SLC25A38: variants seen among roughly 807,000 people sequenced by gnomAD.
SLC25A38 encodes the protein solute carrier family 25 member 38.
In SLC25A38, 27 loss-of-function variants were observed where a neutral mutation model predicts 33.4. The observed-to-expected ratio is 0.81, with a 90% CI of 0.60 to 1.11. The LOEUF (loss-of-function observed/expected upper bound fraction) is 1.11, where lower values mean the gene tolerates loss of function less well. Ranked by LOEUF, SLC25A38 falls within the 50% of genes most tolerant of loss-of-function variation. The pLI is 0.00. For missense variants in SLC25A38, 344 were observed against 388.8 expected (o/e 0.88, Z 0.97); for synonymous variants, 123 against 145.9 (o/e 0.84, Z 1.13).
rs547810334 is a variant in SLC25A38, at chr3:39,391,896, G to A, written c.500G>A (p.Ser167Asn). 6.2e-6 allele frequency: 10 copies of A among 1,614,054 alleles called. No homozygotes were observed. In the African/African-American group the frequency reaches 1.3e-4, roughly 22 times the overall value. ...GYESIYAALR[S>N]IYHSEGHRGL... ...GAGAGTATCTACGCTGCCCTGAGGA[G>A]CATCTATCACAGTGAGGGGCACCGG... is the stretch of plus-strand genomic sequence containing the variant. The change falls in exon 5 of 7, where the codon AGC (serine) becomes AAC (asparagine). Residue 167 changes from serine to asparagine, a missense_variant. Coordinates refer to ENST00000650617, the MANE Select transcript of SLC25A38 (RefSeq NM_017875.4).
chr3:39,388,897 G>C (rs2041731917), intron 1 of SLC25A38, among the ~76,000 whole-genome samples: 2 of 152,194 alleles, frequency 1.3e-5, no homozygotes, highest in Admixed American at 1.3e-4. Flanking sequence ...TGGGTTGAAG[G>C]AGAAGCAGCA....
At chr3:39,394,294 C>A in intron 5 of SLC25A38, 116 bp from the exon 6 acceptor site, 1 of 1,299,642 alleles carries the variant, frequency 7.7e-7, no homozygotes, top group Non-Finnish European at 1.1e-6. Context: ...GAATTCGTAG[C>A]CTCATTTGAA....
At chr3:39,384,803 CTTTTTTT>C (rs67136154) in intron 1 of SLC25A38, 29 of 351,592 alleles carry the variant, frequency 8.2e-5, no homozygotes, top group Non-Finnish European at 1.2e-4. Flanking sequence ...TTTCTTTTTT[CTTTTTTT>C]TTTTTTTTGA....
chr3:39,393,170 C>T (rs1411985019), intron 5 of SLC25A38, among the ~76,000 whole-genome samples: 2 of 152,106 alleles, frequency 1.3e-5, no homozygotes, highest in Admixed American at 1.3e-4. Context: ...CCTGTAATCC[C>T]AGCTGCTTGG....
chr3:39,387,172 G>T (rs1378193496), intron 1 of SLC25A38, among the ~76,000 whole-genome samples: 1 of 152,192 alleles, frequency 6.6e-6, no homozygotes. Context: ...ACTTTAGACT[G>T]GGTGGTATGG....
At chr3:39,385,579 G>C (rs2041700437) in intron 1 of SLC25A38, among the ~76,000 whole-genome samples, 1 of 151,982 alleles carries the variant, frequency 6.6e-6, no homozygotes, top group South Asian at 2.1e-4. Context: ...ACCCATCCTG[G>C]GATGAGTCAT....
Position 39,389,742 on chromosome 3 carries a change from T to G in SLC25A38, c.191+126T>G, listed in dbSNP as rs1285702603. ...AGAGAAACACAGGCCATGCCCAACT[T>G]TCATATGTTCTCTGAATTGTTTTTA... On this transcript the variant is annotated intron_variant, in intron 2 of 6. Coordinates refer to ENST00000650617, the MANE Select transcript of SLC25A38 (RefSeq NM_017875.4). This position sits in a 1 kb window ranked among gnomAD's most constrained non-coding sequence, Gnocchi z 4.5. The G allele has an allele frequency of 1.6e-5, 23 of 1,461,000 alleles. No homozygotes were observed. The highest frequency in any genetic ancestry group is 2.2e-5 in the Non-Finnish European group (23 of 1,049,970). 90.5% of individuals were successfully genotyped at this position (1,461,000 alleles called of 1,614,324 possible).
chr3:39,383,759 C>G lies in SLC25A38; in HGVS notation c.35C>G (p.Pro12Arg). ...IQNSRPSLLQ[P>R]QDVGDTVETL... is the part of the protein sequence containing the mutation. Reference sequence around the variant, plus strand: ...AACTCACGTCCGTCGCTGCTGCAACCCCAAGATGTCGGAGACACGGTGGAA... The same window carrying G: ...AACTCACGTCCGTCGCTGCTGCAACGCCAAGATGTCGGAGACACGGTGGAA... The change falls in exon 1 of 7, where the codon CCC (proline) becomes CGC (arginine). Residue 12 changes from proline to arginine, a missense_variant. Around this residue, in one of 2 missense-constraint regions of SLC25A38, gnomAD observed 269 missense variants for 271.8 expected, o/e 0.99. Coordinates refer to ENST00000650617, the MANE Select transcript of SLC25A38 (RefSeq NM_017875.4). The G allele has an allele frequency of 6.2e-7, 1 of 1,614,176 alleles. No homozygotes were observed. Among genetic ancestry groups the G allele is most frequent in the Non-Finnish European group, 8.5e-7 (1 of 1,180,004 alleles).
chr3:39,383,423 C>T lies in SLC25A38; in HGVS notation c.-302C>T. ...GGGATACACAGAACCTCATCTCCTA[C>T]GGTGCTGAAGCCTGCAGCAGGGCAG... is the stretch of plus-strand genomic sequence containing the variant. On this transcript the variant is annotated 5_prime_UTR_variant, in exon 1 of 7. In the 5' UTR this introduces an upstream ATG that the reference lacks. Coordinates refer to ENST00000650617, the MANE Select transcript of SLC25A38 (RefSeq NM_017875.4). 1 of 430,164 alleles carries T rather than the reference C, an allele frequency of 2.3e-6. No homozygotes were observed. The highest frequency in any genetic ancestry group is 2.4e-5 in the South Asian group (1 of 41,696). 26.6% of individuals were successfully genotyped at this position (430,164 alleles called of 1,614,324 possible).
chr3:39,394,922 CTAAT>C (rs2041811058), intron 6 of SLC25A38, among the ~76,000 whole-genome samples: 1 of 151,600 alleles, frequency 6.6e-6, no homozygotes, highest in Non-Finnish European at 1.5e-5. Flanking sequence ...AATTAGTACT[CTAAT>C]TGAGGACCTA....
At chr3:39,394,886 C>T (rs1403423856) in intron 6 of SLC25A38, among the ~76,000 whole-genome samples, 1 of 151,916 alleles carries the variant, frequency 6.6e-6, no homozygotes, top group Non-Finnish European at 1.5e-5. Flanking sequence ...CTACCCCAGA[C>T]TTACTGAATC....
Position 39,390,370 on chromosome 3 carries a change from G to A in SLC25A38, c.192-53G>A, listed in dbSNP as rs1012518758. 2.5e-6 allele frequency: 4 copies of A among 1,576,436 alleles called. No homozygotes were observed. The African/African-American group carries it at 4.0e-5, about 16-fold the overall frequency. ...GTTTGAGTGGGGAATTGTTTTATGAGGAAGTGATCTAAGTGATTTTTTCCT... is the reference window on the plus strand; with the variant it reads ...GTTTGAGTGGGGAATTGTTTTATGAAGAAGTGATCTAAGTGATTTTTTCCT... On this transcript the variant is annotated intron_variant, in intron 2 of 6. Transcript: ENST00000650617.
At chr3:39,394,724 G>T (rs955189994) in intron 6 of SLC25A38, 148 bp downstream of exon 6, 4 of 911,882 alleles carry the variant, frequency 4.4e-6, no homozygotes, top group East Asian at 5.3e-5. Context: ...AACTATATCA[G>T]AATGTCTAGT....
chr3:39,383,925 G>C, intron 1 of SLC25A38, 132 bp downstream of exon 1: 1 of 1,019,152 alleles, frequency 9.8e-7, no homozygotes, highest in Middle Eastern at 2.3e-4. Context: ...GATGCGGCGG[G>C]AGAGGAGTCT....
chr3:39,394,353 A>C (rs1330558133), intron 5 of SLC25A38, 57 bp from the exon 6 acceptor site: 53 of 1,607,554 alleles, frequency 3.3e-5, no homozygotes, highest in Non-Finnish European at 3.9e-5. Flanking sequence ...ACTTGCACTG[A>C]CCTTTATCTG....
At position 39,396,409 on chromosome 3, in the gene SLC25A38, A is replaced by G. The variant is rs1389400180; in HGVS notation, c.804A>G (p.Leu268=). 4.3e-6 allele frequency: 7 copies of G among 1,614,088 alleles called. No homozygotes were observed. Among genetic ancestry groups the G allele is most frequent in the Admixed American group, 1.7e-5 (1 of 60,006 alleles). The change falls in exon 7 of 7, where the codon CTA becomes CTG. Residue 268 remains leucine (L), a synonymous_variant. Transcript: ENST00000650617. ...AVTLIFKDYG[L]RGFFQGGIPR... is the part of the protein sequence containing the mutation. ...TATTTTCACCATAGGACTATGGACTACGTGGCTTCTTCCAAGGTGGCATCC... is the reference window on the plus strand; with the variant it reads ...TATTTTCACCATAGGACTATGGACTGCGTGGCTTCTTCCAAGGTGGCATCC...
At position 39,389,551 on chromosome 3, in the gene SLC25A38, C is replaced by G; in HGVS notation, c.126C>G (p.Thr42=). 1 of 1,614,134 alleles carries G rather than the reference C, an allele frequency of 6.2e-7. No homozygotes were observed. The highest frequency in any genetic ancestry group is 1.3e-5 in the African/African-American group (1 of 75,024). The change falls in exon 2 of 7, where the codon ACC becomes ACG. Residue 42 remains threonine (T), a synonymous_variant. Coordinates refer to ENST00000650617, the MANE Select transcript of SLC25A38 (RefSeq NM_017875.4). This position sits in a 1 kb window ranked among gnomAD's most constrained non-coding sequence, Gnocchi z 4.5. The part of the protein sequence containing the change: ...LCGSISGTCS[T]LLFQPLDLLK... The stretch of plus-strand genomic sequence containing the variant: ...GCTCCATCAGTGGGACCTGCTCTAC[C>G]CTCCTTTTCCAACCTCTGGATCTCC...
chr3:39,388,145 T>G (rs760942092), intron 1 of SLC25A38, among the ~76,000 whole-genome samples: 6 of 152,076 alleles, frequency 3.9e-5, no homozygotes, highest in South Asian at 4.1e-4. Context: ...GGGGAGAGAC[T>G]AGAAACACAG....
intron 1 of SLC25A38, among the ~76,000 whole-genome samples, chr3:39,388,725 C>A (rs1273395914): frequency 1.3e-5 from 2 of 152,150 alleles, no homozygotes; most frequent in Non-Finnish European, 2.9e-5. Context: ...ATTTGTGATA[C>A]TACTGGGTTC....
Sources: gnomAD v4.1 joint callset for allele counts (sites outside exome capture counted in the v4.1 genomes callset) on GRCh38, gnomAD v4.1.1 for gene constraint, gnomAD v4.1.1 regional missense constraint, Gnocchi (gnomAD v3.1) non-coding constraint, MANE v1.5 for transcripts, NCBI Gene and HGNC (gene_info 2026-07-23, HGNC 2026-07-21) for gene names.